SHANK2: variants seen among roughly 807,000 people sequenced by gnomAD.
SHANK2 encodes SH3 and multiple ankyrin repeat domains protein 2.
SHANK2 carries 43 observed loss-of-function variants against 133.7 expected under a neutral mutation model. The observed-to-expected ratio is 0.32, with a 90% CI of 0.25 to 0.41. The LOEUF (loss-of-function observed/expected upper bound fraction) is 0.41. Ranked by LOEUF, SHANK2 falls within the 10% of genes least tolerant of loss-of-function variation. SHANK2 has a pLI of 1.00. For synonymous variants in SHANK2, 1,017 were observed against 952.8 expected, an observed-to-expected ratio of 1.07 and a Z score of -1.24; for missense variants, 1,994 against 2,235.8, an observed-to-expected ratio of 0.89 and a Z score of 2.18.
chr11:70,698,564 T>C, intron 15 of SHANK2, 124 bp downstream of exon 15: 1 of 697,438 alleles, frequency 1.4e-6, no homozygotes, highest in East Asian at 2.7e-5. Context: ...CCTAGCCCGG[T>C]AACAGGCACA....
intron 11 of SHANK2, among the ~76,000 whole-genome samples, chr11:70,860,951 G>T (rs534125580): frequency 6.6e-6 from 1 of 152,154 alleles, no homozygotes; most frequent in Non-Finnish European, 1.5e-5. Context: ...CAGGAGCCGC[G>T]TGCATCTCAG....
At chr11:70,660,394 C>T (rs909802508) in intron 16 of SHANK2, among the ~76,000 whole-genome samples, 7 of 152,232 alleles carry the variant, frequency 4.6e-5, no homozygotes, top group South Asian at 4.1e-4. Context: ...ACTTGGAACG[C>T]GGACGGAACA....
At chr11:71,139,176 C>T (rs1397780463) in intron 3 of SHANK2, among the ~76,000 whole-genome samples, 1 of 152,128 alleles carries the variant, frequency 6.6e-6, no homozygotes, top group Admixed American at 6.5e-5. Context: ...TGGGCCAGGT[C>T]GCAAGGATCA....
chr11:70,869,305 G>A (rs973317511), intron 11 of SHANK2, among the ~76,000 whole-genome samples: 18 of 152,160 alleles, frequency 1.2e-4, no homozygotes, highest in African/African-American at 3.9e-4. Context: ...CATAGATCCC[G>A]ACAATCTGTC....
At chr11:71,095,176 G>A (rs1429973165) in intron 6 of SHANK2, among the ~76,000 whole-genome samples, 3 of 152,206 alleles carry the variant, frequency 2.0e-5, no homozygotes, top group Non-Finnish European at 2.9e-5. Flanking sequence ...CATGAAGTCC[G>A]TGCCCCCTGG....
chr11:70,741,646 C>T (rs534602998), intron 14 of SHANK2, among the ~76,000 whole-genome samples: 7 of 152,314 alleles, frequency 4.6e-5, no homozygotes, highest in Admixed American at 3.3e-4. Flanking sequence ...TGCCAGGTTT[C>T]CAGTCTCCTC....
At chr11:71,161,614 A>G (rs1269573581) in intron 2 of SHANK2, among the ~76,000 whole-genome samples, 1 of 152,158 alleles carries the variant, frequency 6.6e-6, no homozygotes, top group African/African-American at 2.4e-5. Flanking sequence ...CTTTCAACCA[A>G]TTGCCAATCA....
chr11:70,848,054 C>T (rs1949023645), intron 11 of SHANK2, among the ~76,000 whole-genome samples: 1 of 152,202 alleles, frequency 6.6e-6, no homozygotes, highest in Non-Finnish European at 1.5e-5. Flanking sequence ...CGGCCCCACA[C>T]CTATTCCCAG....
At chr11:70,824,028 G>T (rs973341801) in intron 11 of SHANK2, among the ~76,000 whole-genome samples, 3 of 140,844 alleles carry the variant, frequency 2.1e-5, no homozygotes, top group Non-Finnish European at 4.6e-5. Flanking sequence ...GTGCTGGCAG[G>T]TTTCATTGAA....
chr11:70,766,414 G>A (rs1399157577), intron 14 of SHANK2, among the ~76,000 whole-genome samples: 4 of 152,184 alleles, frequency 2.6e-5, no homozygotes, highest in African/African-American at 9.7e-5. Context: ...AGCACGTCTT[G>A]GATAATCTGG....
intron 17 of SHANK2, among the ~76,000 whole-genome samples, chr11:70,505,371 G>A (rs2059121220): frequency 6.6e-6 from 1 of 151,994 alleles, no homozygotes; most frequent in Non-Finnish European, 1.5e-5. Context: ...CGAGACACTG[G>A]GGTCTCAAGC....
At chr11:70,597,837 C>T (rs1345829171) in intron 17 of SHANK2, among the ~76,000 whole-genome samples, 1 of 152,234 alleles carries the variant, frequency 6.6e-6, no homozygotes, top group Non-Finnish European at 1.5e-5. Flanking sequence ...CGCACCACTG[C>T]ACTCGAGCCT....
chr11:71,249,258 C>T (rs904662029), intron 1 of SHANK2, among the ~76,000 whole-genome samples: 42 of 152,266 alleles, frequency 2.8e-4, no homozygotes, highest in Admixed American at 1.1e-3. Context: ...TTGTCTGGAG[C>T]GATCCTCCCT....
intron 17 of SHANK2, among the ~76,000 whole-genome samples, chr11:70,616,312 C>A (rs976818827): frequency 1.4e-4 from 22 of 152,144 alleles, no homozygotes; most frequent in Admixed American, 2.0e-4. Context: ...TGTTGGCGAC[C>A]CCACACTGGG....
At chr11:70,484,897 C>T (rs1011316729) in intron 25 of SHANK2, among the ~76,000 whole-genome samples, 19 of 152,278 alleles carry the variant, frequency 1.2e-4, no homozygotes, top group African/African-American at 4.6e-4. Flanking sequence ...CGCCCACCCA[C>T]TCGCTGCCCT....
intron 10 of SHANK2, chr11:70,933,314 C>G (rs1406634634): frequency 8.8e-6 from 4 of 454,612 alleles, no homozygotes; most frequent in Non-Finnish European, 1.8e-5. Context: ...CCCTAAAGTT[C>G]TGAGATTCAT....
chr11:70,565,294 G>C (rs1377281723), intron 17 of SHANK2, among the ~76,000 whole-genome samples: 2 of 152,186 alleles, frequency 1.3e-5, no homozygotes, highest in Non-Finnish European at 2.9e-5. Context: ...GCCAAGGCTG[G>C]AGTGCAGTGG....
intron 10 of SHANK2, among the ~76,000 whole-genome samples, chr11:70,951,491 C>T (rs538029636): frequency 1.3e-5 from 2 of 151,680 alleles, no homozygotes; most frequent in African/African-American, 2.4e-5. Flanking sequence ...ATGGTGACAT[C>T]ATAAATTCAT....
At chr11:70,880,060 G>A (rs782589917) in intron 11 of SHANK2, among the ~76,000 whole-genome samples, 5 of 152,324 alleles carry the variant, frequency 3.3e-5, no homozygotes, top group South Asian at 2.1e-4. Flanking sequence ...CCCAGGGGCC[G>A]GTGCTGTGCC....
Sources: gnomAD v4.1 joint callset for allele counts (sites outside exome capture counted in the v4.1 genomes callset) on GRCh38, gnomAD v4.1.1 for gene constraint, MANE v1.5 for transcripts, NCBI Gene and HGNC (gene_info 2026-07-23, HGNC 2026-07-21) for gene names.